DNAJC16: variants seen among roughly 807,000 people sequenced by gnomAD.
DNAJC16 encodes DnaJ heat shock protein family (Hsp40) member C16.
Under a neutral mutation model 92.7 loss-of-function variants are expected in DNAJC16, and 76 were observed. The ratio of observed to expected loss-of-function variants is 0.82; its 90% CI spans 0.68 to 0.99. The LOEUF (loss-of-function observed/expected upper bound fraction) is 0.99. Ranked by LOEUF, DNAJC16 falls within the 50% of genes least tolerant of loss-of-function variation. DNAJC16 has a pLI of 0.00. For synonymous variants in DNAJC16, 328 were observed against 358.7 expected (o/e 0.91, Z 0.97); for missense variants, 869 against 942.4 (o/e 0.92, Z 1.02).
rs551975646 is a variant in DNAJC16 at position 15,562,587 on chromosome 1, GTGATCC to G, written c.1338+264_1338+269del. ...TACAGCCTCGACCTCCCAGGCTCAA[GTGATCC>G]TCCCACCTCAGCCTCCCACATAGCT... On this transcript the variant is annotated intron_variant, in intron 9 of 14. Coordinates refer to ENST00000375847, the MANE Select transcript of DNAJC16 (RefSeq NM_015291.4). 2.5e-3 allele frequency among the ~76,000 whole-genome samples: 378 copies of G among 151,614 alleles called. 4 individuals carry two copies. Among genetic ancestry groups the G allele is most frequent in the African/African-American group, 8.8e-3 (362 of 41,278 alleles).
intron 2 of DNAJC16, among the ~76,000 whole-genome samples, chr1:15,530,721 T>G (rs1020549876): frequency 1.3e-5 from 2 of 152,228 alleles, no homozygotes; most frequent in Non-Finnish European, 2.9e-5. Flanking sequence ...GGAGTCTCGC[T>G]CTGTCACGCA....
At chr1:15,535,704 T>G (rs911069834) in intron 3 of DNAJC16, among the ~76,000 whole-genome samples, 1 of 151,602 alleles carries the variant, frequency 6.6e-6, no homozygotes, top group Non-Finnish European at 1.5e-5. Flanking sequence ...CACTCCAGCC[T>G]GGGTGACAGA....
In DNAJC16 at chr1:15,544,452, C is replaced by T; in HGVS notation, c.628C>T (p.Leu210=). ...AGYERRLAHH[L]GAHSTPSILG... Reference sequence around the variant, plus strand: ...GTATGAGAGACGCCTGGCCCATCACCTAGGGGCACACAGCACGCCCTCTAT... The same window carrying T: ...GTATGAGAGACGCCTGGCCCATCACTTAGGGGCACACAGCACGCCCTCTAT... The change falls in exon 5 of 15, where the codon CTA becomes TTA. Residue 210 remains leucine (L), a synonymous_variant. Coordinates refer to ENST00000375847, the MANE Select transcript of DNAJC16 (RefSeq NM_015291.4). The T allele has an allele frequency of 6.2e-7, 1 of 1,614,084 alleles. No individual in the cohort carries two copies. Among genetic ancestry groups the T allele is most frequent in the Non-Finnish European group, 8.5e-7 (1 of 1,179,974 alleles).
intron 5 of DNAJC16, among the ~76,000 whole-genome samples, chr1:15,544,900 CA>C (rs1638256800): frequency 6.6e-6 from 1 of 151,952 alleles, no homozygotes; most frequent in Non-Finnish European, 1.5e-5. Flanking sequence ...AATTAAATCA[CA>C]TGTTAGAAAG....
At chr1:15,549,961 G>T (rs1288096406) in intron 7 of DNAJC16, among the ~76,000 whole-genome samples, 1 of 152,046 alleles carries the variant, frequency 6.6e-6, no homozygotes, top group East Asian at 1.9e-4. Flanking sequence ...CTTTATCATA[G>T]GTATGTGTAT....
intron 8 of DNAJC16, among the ~76,000 whole-genome samples, chr1:15,561,441 T>C (rs754774633): frequency 7.2e-5 from 11 of 152,166 alleles, no homozygotes; most frequent in Admixed American, 2.0e-4. Flanking sequence ...TCCCAGCACT[T>C]TGGGGGGCTG....
At chr1:15,539,090 G>A (rs1314921660) in intron 4 of DNAJC16, among the ~76,000 whole-genome samples, 2 of 152,108 alleles carry the variant, frequency 1.3e-5, no homozygotes, top group East Asian at 3.8e-4. Context: ...CAAATTATGG[G>A]TATGACAGAT....
chr1:15,565,815 T>G, intron 11 of DNAJC16, 104 bp from the exon 12 acceptor site: 4 of 1,100,910 alleles, frequency 3.6e-6, no homozygotes, highest in Non-Finnish European at 4.1e-6. Flanking sequence ...TAGTAAGCGT[T>G]TATTGGTGTG....
chr1:15,533,701 C>T (rs556224970), intron 2 of DNAJC16, among the ~76,000 whole-genome samples: 3 of 152,184 alleles, frequency 2.0e-5, no homozygotes, highest in South Asian at 4.2e-4. Flanking sequence ...GTAATAATAA[C>T]GAAAAATGTT....
intron 7 of DNAJC16, among the ~76,000 whole-genome samples, chr1:15,558,487 TTTTG>T (rs1194860002): frequency 1.3e-5 from 2 of 151,870 alleles, no homozygotes; most frequent in African/African-American, 4.8e-5. Context: ...GTGCCTGGCC[TTTTG>T]TTTGTTTGTT....
chr1:15,562,340 C>A lies in DNAJC16; in HGVS notation c.1338+15C>A. 1.2e-6 allele frequency: 2 copies of A among 1,604,016 alleles called. No homozygotes were observed. Among genetic ancestry groups the A allele is most frequent in the South Asian group, 2.2e-5 (2 of 89,726 alleles). On this transcript the variant is annotated intron_variant, in intron 9 of 14. Transcript: ENST00000375847. ...GGAAATCAGCGGTAAGCCACAGAGTCTCTCCTCATCCCAGGCTCTTCATAA... is the reference window on the plus strand; with the variant it reads ...GGAAATCAGCGGTAAGCCACAGAGTATCTCCTCATCCCAGGCTCTTCATAA...
At chr1:15,547,002 C>A in intron 6 of DNAJC16, 131 bp downstream of exon 6, 1 of 725,610 alleles carries the variant, frequency 1.4e-6, no homozygotes, top group South Asian at 2.0e-5. Flanking sequence ...CAGTTTCATC[C>A]ATGAGAAATG....
intron 7 of DNAJC16, among the ~76,000 whole-genome samples, chr1:15,555,895 G>T (rs1638558328): frequency 6.6e-6 from 1 of 151,246 alleles, no homozygotes; most frequent in Non-Finnish European, 1.5e-5. Flanking sequence ...GGAGGCTGAG[G>T]CAGGAGAATC....
intron 1 of DNAJC16, among the ~76,000 whole-genome samples, chr1:15,527,182 G>C (rs562856719): frequency 6.6e-6 from 1 of 152,020 alleles, no homozygotes; most frequent in East Asian, 1.9e-4. Flanking sequence ...CTTAGACCTG[G>C]AGCTTGTCTC....
intron 9 of DNAJC16, 146 bp downstream of exon 9, chr1:15,562,471 T>C (rs1638712980): frequency 1.1e-6 from 1 of 942,724 alleles, no homozygotes; most frequent in Non-Finnish European, 1.5e-6. Flanking sequence ...TCTTTTGTTT[T>C]TCCTTTTTCT....
At chr1:15,543,300 C>T (rs936139064) in intron 4 of DNAJC16, among the ~76,000 whole-genome samples, 60 of 152,136 alleles carry the variant, frequency 3.9e-4, no homozygotes, top group Admixed American at 6.5e-4. Context: ...CAAGGTAGGC[C>T]GCATTCAGGA....
chr1:15,548,386 G>C lies in DNAJC16; in HGVS notation c.981G>C (p.Leu327Phe), dbSNP rs904459976. The change falls in exon 7 of 15, where the codon TTG becomes TTC. Residue 327 changes from leucine to phenylalanine, a missense_variant. Transcript: ENST00000375847. Reference sequence around the variant, plus strand: ...TCAATATCTACGCCCCTACCCTCTTGGTCTTTAAAGAACATATAAACAGGC... The same window carrying C: ...TCAATATCTACGCCCCTACCCTCTTCGTCTTTAAAGAACATATAAACAGGC... ...YNINIYAPTL[L>F]VFKEHINRPA... The C allele has an allele frequency of 1.2e-6, 2 of 1,613,958 alleles. No individual in the cohort carries two copies. Among genetic ancestry groups the C allele is most frequent in the Admixed American group, 1.7e-5 (1 of 59,982 alleles).
In DNAJC16 at chr1:15,567,979, CGAA is replaced by C. The variant is rs1638858546; in HGVS notation, c.2154_2156del (p.Glu721del). On this transcript the variant is annotated inframe_deletion, in exon 15 of 15. Transcript: ENST00000375847. ...GCCTCTTCAAGCCCCAAAAGACAGTCGAAGAGGAGGAAGCCATAGGGTCGTGCA... is the reference window on the plus strand; with the variant it reads ...GCCTCTTCAAGCCCCAAAAGACAGTCGAGGAGGAAGCCATAGGGTCGTGCA... 3 of 1,614,170 alleles carry C rather than the reference CGAA, an allele frequency of 1.9e-6. No homozygotes were observed. The highest frequency in any genetic ancestry group is 1.6e-4 in the Middle Eastern group (1 of 6,062).
chr1:15,561,045 G>A (rs1194607105), intron 8 of DNAJC16, among the ~76,000 whole-genome samples: 1 of 151,194 alleles, frequency 6.6e-6, no homozygotes, highest in Non-Finnish European at 1.5e-5. Flanking sequence ...GCACTTCCCT[G>A]ACCAACCTGT....
Sources: gnomAD v4.1 joint callset for allele counts (sites outside exome capture counted in the v4.1 genomes callset) on GRCh38, gnomAD v4.1.1 for gene constraint, MANE v1.5 for transcripts, NCBI Gene and HGNC (gene_info 2026-07-23, HGNC 2026-07-21) for gene names.